RBPMS2: variants seen among roughly 807,000 people sequenced by gnomAD.
RBPMS2 encodes the protein RNA binding protein, mRNA processing factor 2.
In RBPMS2, 14 loss-of-function variants were observed where a neutral mutation model predicts 25.7. That is an observed-to-expected ratio of 0.55 (90% CI 0.36 to 0.85). RBPMS2 has a LOEUF of 0.85. Ranked by LOEUF, RBPMS2 falls within the 40% of genes least tolerant of loss-of-function variation. The pLI, the probability that RBPMS2 is intolerant of heterozygous loss-of-function variation, is 0.01. For synonymous variants in RBPMS2, 127 were observed against 115.6 expected (o/e 1.10, Z -0.63); for missense variants, 252 against 283.4 (o/e 0.89, Z 0.80).
In RBPMS2 at chr15:64,757,606, G is replaced by A. The variant is rs116751554; in HGVS notation, c.88-5968C>T. 1.9e-3 allele frequency among the ~76,000 whole-genome samples: 289 copies of A among 152,272 alleles called. 1 individual carries two copies. The highest frequency in any genetic ancestry group is 6.7e-3 in the African/African-American group (278 of 41,546). ...TGGGGAAACTGAAGCCAAGAACAGG[G>A]TAACAAGGCAAGCTGATGGCACAGC... is the stretch of plus-strand genomic sequence containing the variant. On this transcript the variant is annotated intron_variant, in intron 1 of 7. Transcript: ENST00000300069.
chr15:64,755,579 C>G (rs184572509), intron 1 of RBPMS2, among the ~76,000 whole-genome samples: 261 of 152,274 alleles, frequency 1.7e-3, no homozygotes, highest in African/African-American at 5.9e-3. Context: ...CACCCTGACT[C>G]TGCTGTTTGT....
intron 6 of RBPMS2, among the ~76,000 whole-genome samples, chr15:64,744,285 G>A (rs866912315): frequency 3.3e-5 from 5 of 152,226 alleles, no homozygotes; most frequent in East Asian, 1.9e-4. Context: ...ATGGCTGGGC[G>A]CGGTGGCTCA....
chr15:64,763,183 C>A (rs540589730), intron 1 of RBPMS2, among the ~76,000 whole-genome samples: 1 of 152,056 alleles, frequency 6.6e-6, no homozygotes, highest in African/African-American at 2.4e-5. Context: ...GGCCACTTGA[C>A]GTGAGGTGGA....
intron 3 of RBPMS2, among the ~76,000 whole-genome samples, chr15:64,749,801 T>A (rs761655040): frequency 4.6e-5 from 7 of 152,148 alleles, no homozygotes; most frequent in Non-Finnish European, 1.0e-4. Flanking sequence ...TTTTAATGCA[T>A]GCAGATAACT....
intron 1 of RBPMS2, among the ~76,000 whole-genome samples, chr15:64,774,799 G>A (rs2083917791): frequency 6.6e-6 from 1 of 151,342 alleles, no homozygotes; most frequent in East Asian, 2.0e-4. Context: ...TGGAGTGAGG[G>A]TGCCGCCCTC....
intron 4 of RBPMS2, 131 bp downstream of exon 4, chr15:64,749,300 A>G (rs1181493198): frequency 1.2e-5 from 16 of 1,306,728 alleles, no homozygotes; most frequent in Non-Finnish European, 1.8e-5. Flanking sequence ...TCAGGCCTTG[A>G]GTAATGGCCT....
intron 2 of RBPMS2, among the ~76,000 whole-genome samples, chr15:64,751,151 G>A (rs1370759993): frequency 1.3e-5 from 2 of 152,032 alleles, no homozygotes; most frequent in Non-Finnish European, 2.9e-5. Context: ...TGACCAACAT[G>A]GTGAAACCCC....
intron 1 of RBPMS2, among the ~76,000 whole-genome samples, chr15:64,755,756 C>T (rs866097992): frequency 6.6e-6 from 1 of 152,134 alleles, no homozygotes; most frequent in Non-Finnish European, 1.5e-5. Context: ...GCGTGGGCTC[C>T]GCAGGCTGAC....
At chr15:64,766,432 C>A (rs987828887) in intron 1 of RBPMS2, among the ~76,000 whole-genome samples, 6 of 152,112 alleles carry the variant, frequency 3.9e-5, no homozygotes, top group Non-Finnish European at 8.8e-5. Flanking sequence ...TGGGAAGAAG[C>A]AGAATACAAG....
intron 6 of RBPMS2, among the ~76,000 whole-genome samples, chr15:64,746,072 G>A (rs185196578): frequency 6.6e-6 from 1 of 152,248 alleles, no homozygotes; most frequent in East Asian, 1.9e-4. Flanking sequence ...ACTGTCAGGG[G>A]GCAAGCAGTG....
chr15:64,774,731 G>GGGCCGGCCGGCCGGCC (rs1555431921), intron 1 of RBPMS2, among the ~76,000 whole-genome samples: 3 of 6,820 alleles, frequency 4.4e-4, no homozygotes, highest in Non-Finnish European at 1.4e-3. Context: ...AGGAACCGAG[G>GGGCCGGCCGGCCGGCC]AGCCGGCCGG....
intron 1 of RBPMS2, among the ~76,000 whole-genome samples, chr15:64,763,660 C>G (rs2083813827): frequency 1.3e-5 from 2 of 152,142 alleles, no homozygotes; most frequent in African/African-American, 4.8e-5. Context: ...GTATGGGGTC[C>G]CCATTTTACA....
At chr15:64,755,868 C>A (rs1338882186) in intron 1 of RBPMS2, among the ~76,000 whole-genome samples, 1 of 150,916 alleles carries the variant, frequency 6.6e-6, no homozygotes, top group African/African-American at 2.4e-5. Flanking sequence ...CAAGCGTCCA[C>A]AAGGCTGCCT....
At chr15:64,771,698 G>T (rs534162295) in intron 1 of RBPMS2, among the ~76,000 whole-genome samples, 41 of 151,958 alleles carry the variant, frequency 2.7e-4, no homozygotes, top group African/African-American at 8.0e-4. Context: ...CGTGGCTCAG[G>T]CCTGTAATCC....
Position 64,775,230 on chromosome 15 carries a change from C to T in RBPMS2, c.87+3G>A, listed in dbSNP as rs1162532351. ...CCGGCAAGTCCCGGGGCCACAGACC[C>T]ACCTCCTCCTCCAGGGCGCCGCCGG... On this transcript the variant is annotated splice_donor_region_variant and intron_variant, in intron 1 of 7. Transcript: ENST00000300069. 1 of 1,292,302 alleles carries T rather than the reference C, an allele frequency of 7.7e-7. No individual in the cohort carries two copies. The highest frequency in any genetic ancestry group is 3.3e-5 in the East Asian group (1 of 29,882). The allele number at this position is 1,292,302 out of a possible 1,614,324, so 80.1% of individuals were successfully genotyped here.
intron 1 of RBPMS2, among the ~76,000 whole-genome samples, chr15:64,765,160 G>C (rs1465097782): frequency 6.8e-6 from 1 of 146,960 alleles, no homozygotes; most frequent in South Asian, 2.2e-4. Context: ...CCATGAGGCG[G>C]AAGTTGCAGT....
At chr15:64,752,155 GCCT>G (rs927979775) in intron 1 of RBPMS2, among the ~76,000 whole-genome samples, 3 of 151,866 alleles carry the variant, frequency 2.0e-5, no homozygotes, top group Non-Finnish European at 2.9e-5. Context: ...TCAAACCAAA[GCCT>G]CCTCTAAAAA....
At chr15:64,751,215 C>T (rs2083675877) in intron 2 of RBPMS2, among the ~76,000 whole-genome samples, 1 of 151,936 alleles carries the variant, frequency 6.6e-6, no homozygotes, top group South Asian at 2.1e-4. Context: ...TGCCTGTAAT[C>T]CTAGCTACTT....
At position 64,742,396 on chromosome 15, in the gene RBPMS2, C is replaced by T. The variant is rs539063691; in HGVS notation, c.568-1154G>A. 9.2e-5 allele frequency among the ~76,000 whole-genome samples: 14 copies of T among 152,340 alleles called. No individual in the cohort carries two copies. In the South Asian group the frequency reaches 2.9e-3, roughly 32 times the overall value. ...GGCAGCTATCTGAGATCATCCTCACCAGTGCCTGGAAGTTGCCTAAACCCT... is the reference window on the plus strand; with the variant it reads ...GGCAGCTATCTGAGATCATCCTCACTAGTGCCTGGAAGTTGCCTAAACCCT... On this transcript the variant is annotated intron_variant, in intron 6 of 7. Transcript: ENST00000300069.
Sources: allele counts gnomAD v4.1 joint callset (sites outside exome capture counted in the v4.1 genomes callset), GRCh38; gene constraint gnomAD v4.1.1; transcripts MANE v1.5; gene names NCBI Gene and HGNC (gene_info 2026-07-23, HGNC 2026-07-21).